FOXP2: variants seen among roughly 807,000 people sequenced by gnomAD.
The protein encoded by FOXP2 is forkhead box P2.
A neutral mutation model predicts 115.8 loss-of-function variants in FOXP2; 12 were observed. That is an observed-to-expected ratio of 0.10 (90% CI 0.07 to 0.17). The LOEUF is 0.17. Among genes scored for constraint, FOXP2 ranks in the 10% least tolerant of loss-of-function variants. The probability of loss-of-function intolerance (pLI) is 1.00; values close to 1 mark genes in which losing one functional copy is unlikely to be tolerated. For synonymous variants in FOXP2, 328 were observed against 297.7 expected (o/e 1.10, Z -1.05); for missense variants, 629 against 843.5 (o/e 0.75, Z 3.15).
chr7:114,424,587 C>A (rs1584718388), intron 1 of FOXP2, among the ~76,000 whole-genome samples: 2 of 151,262 alleles, frequency 1.3e-5, no homozygotes, highest in African/African-American at 4.8e-5. Flanking sequence ...AAAATTTATG[C>A]CTAATTTGAA....
chr7:114,339,440 C>T (rs564153258), intron 2 of FOXP2, among the ~76,000 whole-genome samples: 1 of 150,978 alleles, frequency 6.6e-6, no homozygotes, highest in East Asian at 1.9e-4. Context: ...TTTAGAAGTT[C>T]GACAGATGAT....
rs1242514453 is a variant in FOXP2, at chr7:114,349,939, T to G, written c.-11+61830T>G. On this transcript the variant is annotated intron_variant, in intron 2 of 17. Transcript: ENST00000634411. Reference sequence around the variant, plus strand: ...TTCAAAGAATGACCATAGTTGGACTTTGGGGTGTCTCTTGAGGAAATGCTA... The same window carrying G: ...TTCAAAGAATGACCATAGTTGGACTGTGGGGTGTCTCTTGAGGAAATGCTA... 2.0e-5 allele frequency among the ~76,000 whole-genome samples: 3 copies of G among 151,998 alleles called. No individual in the cohort carries two copies. In the East Asian group the frequency reaches 5.8e-4, roughly 29 times the overall value.
chr7:114,300,896 G>GT (rs1412220008), intron 2 of FOXP2, among the ~76,000 whole-genome samples: 1 of 151,922 alleles, frequency 6.6e-6, no homozygotes, highest in African/African-American at 2.4e-5. Context: ...TTAATCCTAA[G>GT]ACAGAGCTGA....
At chr7:114,524,931 A>G (rs1050818838) in intron 2 of FOXP2, among the ~76,000 whole-genome samples, 1 of 152,186 alleles carries the variant, frequency 6.6e-6, no homozygotes, top group Non-Finnish European at 1.5e-5. Context: ...ATCTCACAAT[A>G]CATTCATGAA....
intron 2 of FOXP2, among the ~76,000 whole-genome samples, chr7:114,529,687 T>C (rs1799044193): frequency 6.6e-6 from 1 of 151,800 alleles, no homozygotes; most frequent in Non-Finnish European, 1.5e-5. Flanking sequence ...GTATCAGGCA[T>C]GAAAAAATAA....
At chr7:114,545,830 T>A (rs1025154371) in intron 3 of FOXP2, among the ~76,000 whole-genome samples, 3 of 152,194 alleles carry the variant, frequency 2.0e-5, no homozygotes, top group Non-Finnish European at 4.4e-5. Context: ...AAATTTCAAT[T>A]GTGTGTCAAC....
chr7:114,658,170 T>C lies in FOXP2; in HGVS notation c.1371T>C (p.Ile457=), dbSNP rs61753357. 1,208 of 1,613,826 alleles carry C rather than the reference T, an allele frequency of 7.5e-4. 6 individuals carry two copies. Among genetic ancestry groups the C allele is most frequent in the Middle Eastern group, 3.3e-3 (20 of 6,058 alleles). ...CACCAACGGCCCCAGTCACCCCGAT[T>C]ACCCAGGGACCCTCAGTAATCACCC... ...PTTPTAPVTP[I]TQGPSVITPA... The change falls in exon 11 of 17, where the codon ATT becomes ATC. Residue 457 remains isoleucine (I), a synonymous_variant. Transcript: ENST00000350908.
At chr7:114,454,594 C>T (rs1456337977) in intron 2 of FOXP2, among the ~76,000 whole-genome samples, 1,060 of 113,688 alleles carry the variant, frequency 9.3e-3, no homozygotes, top group South Asian at 0.024. Flanking sequence ...GCATTATTCA[C>T]AATAGCAAAG....
intron 2 of FOXP2, among the ~76,000 whole-genome samples, chr7:114,330,082 C>G (rs1797663150): frequency 6.6e-6 from 1 of 152,074 alleles, no homozygotes; most frequent in Non-Finnish European, 1.5e-5. Flanking sequence ...ATGAGTAATT[C>G]TTGTTGCCCT....
chr7:114,377,976 C>T (rs183702516), intron 2 of FOXP2, among the ~76,000 whole-genome samples: 11 of 152,248 alleles, frequency 7.2e-5, no homozygotes, highest in African/African-American at 1.2e-4. Flanking sequence ...CCCTCTCTCC[C>T]TCTCCTTAAG....
intron 1 of FOXP2, among the ~76,000 whole-genome samples, chr7:114,114,518 A>T (rs1212586169): frequency 1.3e-5 from 2 of 152,092 alleles, no homozygotes; most frequent in Non-Finnish European, 2.9e-5. Context: ...GGACTAAGAT[A>T]TATGAGTCTC....
At chr7:114,581,149 G>GTTTATTTA (rs10585289) in intron 3 of FOXP2, among the ~76,000 whole-genome samples, 76 of 134,980 alleles carry the variant, frequency 5.6e-4, no homozygotes, top group Non-Finnish European at 7.8e-4. Flanking sequence ...ATCTTCTTCC[G>GTTTATTTA]TTTATTTATT....
intron 7 of FOXP2, among the ~76,000 whole-genome samples, chr7:114,643,225 C>T (rs921319069): frequency 2.0e-5 from 3 of 152,030 alleles, no homozygotes; most frequent in African/African-American, 7.2e-5. Flanking sequence ...ATGATTGTAT[C>T]AATATATTTT....
chr7:114,565,526 A>G (rs1800974358), intron 3 of FOXP2, among the ~76,000 whole-genome samples: 1 of 152,196 alleles, frequency 6.6e-6, no homozygotes, highest in South Asian at 2.1e-4. Context: ...TCTCTAGGAA[A>G]GTAGCCTGGA....
At chr7:114,139,684 A>G (rs1243538501) in intron 1 of FOXP2, among the ~76,000 whole-genome samples, 2 of 152,154 alleles carry the variant, frequency 1.3e-5, no homozygotes, top group African/African-American at 4.8e-5. Context: ...CTACTACTGT[A>G]TTGTAGCTTT....
rs557653187 is a variant in FOXP2 at position 114,578,940 on chromosome 7, A to C, written c.258+44234A>C. ...CTAGGAGAAAAAGGACACTTAAAAA[A>C]CATATATAAGGCAATAGAAATTTAG... On this transcript the variant is annotated intron_variant, in intron 3 of 16. Transcript: ENST00000350908. Among the ~76,000 whole-genome samples, 203 of 152,296 alleles carry C rather than the reference A, an allele frequency of 1.3e-3. 1 individual carries two copies. Among genetic ancestry groups the C allele is most frequent in the African/African-American group, 4.5e-3 (186 of 41,578 alleles).
chr7:114,158,589 G>A (rs545415808), upstream of FOXP2, among the ~76,000 whole-genome samples: 1 of 152,062 alleles, frequency 6.6e-6, no homozygotes, highest in Non-Finnish European at 1.5e-5. Flanking sequence ...CCTTTGTCCT[G>A]CGCCTTGCCT....
chr7:114,367,741 T>C (rs1269136689), intron 2 of FOXP2, among the ~76,000 whole-genome samples: 2 of 152,180 alleles, frequency 1.3e-5, no homozygotes, highest in Non-Finnish European at 2.9e-5. Flanking sequence ...CTAATTGATA[T>C]TTCGTTTCTC....
chr7:114,206,858 T>C (rs1794214254), intron 1 of FOXP2, among the ~76,000 whole-genome samples: 1 of 152,170 alleles, frequency 6.6e-6, no homozygotes, highest in Non-Finnish European at 1.5e-5. Context: ...TATGACTCAG[T>C]GTTATTTTAC....
Sources: gnomAD v4.1 joint callset for allele counts (sites outside exome capture counted in the v4.1 genomes callset) on GRCh38, gnomAD v4.1.1 for gene constraint, MANE v1.5 for transcripts, NCBI Gene and HGNC (gene_info 2026-07-23, HGNC 2026-07-21) for gene names.